The following PRKN variants were observed in gnomAD, a reference collection of about 807,000 sequenced individuals.
The protein encoded by PRKN is E3 ubiquitin-protein ligase parkin.
In PRKN, 56 loss-of-function variants were observed where a neutral mutation model predicts 59.5. The observed-to-expected ratio is 0.94, with a 90% CI of 0.76 to 1.18. PRKN has a LOEUF of 1.18. Among genes scored for constraint, PRKN ranks in the 50% most tolerant of loss-of-function variants. The pLI, the probability that PRKN is intolerant of heterozygous loss-of-function variation, is 0.00. For missense variants in PRKN, 657 were observed against 596.4 expected (o/e 1.10, Z -1.06); for synonymous variants, 250 against 222.1 (o/e 1.13, Z -1.12).
Position 162,714,241 on chromosome 6 carries a change from G to A in PRKN, c.7+13421C>T, listed in dbSNP as rs184928968. On this transcript the variant is annotated intron_variant, in intron 1 of 11. Coordinates refer to ENST00000366898, the MANE Select transcript of PRKN (RefSeq NM_004562.3). The stretch of plus-strand genomic sequence containing the variant: ...ACTACCCCTGATTTACAAGAAAAAC[G>A]TTCAAGTTTAAGCCAGTCTTTAACA... 7.9e-4 allele frequency among the ~76,000 whole-genome samples: 120 copies of A among 152,214 alleles called. No individual in the cohort carries two copies. The East Asian group carries it at 9.9e-3, about 13-fold the overall frequency.
intron 1 of PRKN, among the ~76,000 whole-genome samples, chr6:162,594,381 C>CAT (rs575258867): frequency 9.7e-4 from 148 of 152,214 alleles, no homozygotes; most frequent in African/African-American, 3.2e-3. Context: ...GATCTCAATT[C>CAT]ATGATATGAT....
chr6:161,750,118 T>TATATATATATATATATATAC (rs1269147499), intron 7 of PRKN, among the ~76,000 whole-genome samples: 37 of 137,812 alleles, frequency 2.7e-4, no homozygotes, highest in African/African-American at 9.4e-4. Flanking sequence ...TATATATATA[T>TATATATATATATATATATAC]ACACACACAC....
intron 2 of PRKN, among the ~76,000 whole-genome samples, chr6:162,367,056 C>G (rs530722011): frequency 1.3e-5 from 2 of 152,226 alleles, no homozygotes; most frequent in South Asian, 4.1e-4. Context: ...ACGGGAGGGA[C>G]CCGGTGGGAG....
At chr6:162,452,157 T>C (rs1410074836) in intron 1 of PRKN, among the ~76,000 whole-genome samples, 2 of 152,164 alleles carry the variant, frequency 1.3e-5, no homozygotes, top group East Asian at 1.9e-4. Context: ...AGTGAAAATA[T>C]CTTTTAAAAA....
chr6:162,261,898 T>C lies in PRKN; in HGVS notation c.412+627A>G, dbSNP rs6927275. Among the ~76,000 whole-genome samples the C allele has an allele frequency of 4.5e-3, 680 of 152,284 alleles. 5 individuals carry two copies. The highest frequency in any genetic ancestry group is 0.016 in the African/African-American group (658 of 41,560). ...GCTTCCATCTTGCAGGCCCCAGAACTTTCTGACACTGTGAAGGCCATACCA... is the reference window on the plus strand; with the variant it reads ...GCTTCCATCTTGCAGGCCCCAGAACCTTCTGACACTGTGAAGGCCATACCA... On this transcript the variant is annotated intron_variant, in intron 3 of 11. Coordinates refer to ENST00000366898, the MANE Select transcript of PRKN (RefSeq NM_004562.3).
chr6:161,741,171 C>T (rs2128191142), intron 7 of PRKN, among the ~76,000 whole-genome samples: 1 of 152,294 alleles, frequency 6.6e-6, no homozygotes, highest in South Asian at 2.1e-4. Flanking sequence ...GCAACTCTGT[C>T]TATCTACTCT....
intron 7 of PRKN, among the ~76,000 whole-genome samples, chr6:161,675,533 A>C (rs1785055089): frequency 6.6e-6 from 1 of 152,220 alleles, no homozygotes; most frequent in African/African-American, 2.4e-5. Context: ...GTGATGCTGT[A>C]TTTTACTTCT....
Position 162,065,768 on chromosome 6 carries a change from T to C in PRKN, c.535-11594A>G, listed in dbSNP as rs559197410. On this transcript the variant is annotated intron_variant, in intron 4 of 11. Coordinates refer to ENST00000366898, the MANE Select transcript of PRKN (RefSeq NM_004562.3). ...CCAGTATGTGATGTTCCCTGCCCTG[T>C]GTCCAAGTCATCTCATTGTTCAATT... 5.3e-5 allele frequency among the ~76,000 whole-genome samples: 8 copies of C among 152,266 alleles called. No individual in the cohort carries two copies. The South Asian group carries it at 1.7e-3, about 32-fold the overall frequency.
chr6:161,711,406 A>C (rs1354839718), intron 7 of PRKN, among the ~76,000 whole-genome samples: 2 of 152,210 alleles, frequency 1.3e-5, no homozygotes, highest in African/African-American at 4.8e-5. Flanking sequence ...TATGTCTATG[A>C]CTGTGTGTAT....
intron 2 of PRKN, among the ~76,000 whole-genome samples, chr6:162,371,865 G>C (rs1182498577): frequency 6.6e-6 from 1 of 152,212 alleles, no homozygotes; most frequent in Non-Finnish European, 1.5e-5. Context: ...AAACATGGCA[G>C]CCCTGTGGGA....
chr6:161,873,988 GTAAAATATAATATA>G, intron 6 of PRKN, among the ~76,000 whole-genome samples: 1 of 42,314 alleles, frequency 2.4e-5, no homozygotes, highest in Non-Finnish European at 5.3e-5. Flanking sequence ...AAATATATAT[GTAAAATATAATATA>G]TAAAATATAT....
intron 2 of PRKN, among the ~76,000 whole-genome samples, chr6:162,441,745 T>C (rs1790064693): frequency 6.6e-6 from 1 of 152,208 alleles, no homozygotes; most frequent in Non-Finnish European, 1.5e-5. Flanking sequence ...AAGAAGTGTT[T>C]GTCAAAATAG....
Position 161,560,791 on chromosome 6 carries a change from G to T in PRKN, c.933+8564C>A, listed in dbSNP as rs558786244. Among the ~76,000 whole-genome samples the T allele has an allele frequency of 6.6e-6, 1 of 152,102 alleles. No homozygotes were observed. Among genetic ancestry groups the T allele is most frequent in the Admixed American group, 6.5e-5 (1 of 15,272 alleles). On this transcript the variant is annotated intron_variant, in intron 8 of 11. Coordinates refer to ENST00000366898, the MANE Select transcript of PRKN (RefSeq NM_004562.3). This position sits in a 1 kb window ranked among gnomAD's most constrained non-coding sequence, Gnocchi z 4.9. ...TTAAATTCTTCAACTTCATCAAGAC[G>T]TCTAATTAATTGGCCCCATATTTCC...
chr6:161,759,537 A>G (rs1199023426), intron 7 of PRKN, among the ~76,000 whole-genome samples: 1 of 152,204 alleles, frequency 6.6e-6, no homozygotes, highest in Non-Finnish European at 1.5e-5. Context: ...AATCATTCCA[A>G]TAAAGCTGAA....
intron 7 of PRKN, among the ~76,000 whole-genome samples, chr6:161,631,589 C>T (rs1783312376): frequency 6.6e-6 from 1 of 152,128 alleles, no homozygotes; most frequent in African/African-American, 2.4e-5. Flanking sequence ...AAAAATGTAT[C>T]CATCATAATA....
rs973480139 is a variant in PRKN at position 161,445,150 on chromosome 6, G to C, written c.1084-58273C>G. ...TGACGTGCTCAGCCTCTCCAAAGCC[G>C]CGGCGCTGACACAGCTCCCCCTGCA... is the stretch of plus-strand genomic sequence containing the variant. On this transcript the variant is annotated intron_variant, in intron 9 of 11. Transcript: ENST00000366898. This position sits in a 1 kb window ranked among gnomAD's most constrained non-coding sequence, Gnocchi z 7.7. Among the ~76,000 whole-genome samples, 26 of 152,102 alleles carry C rather than the reference G, an allele frequency of 1.7e-4. No homozygotes were observed. The highest frequency in any genetic ancestry group is 3.4e-4 in the Non-Finnish European group (23 of 68,032).
intron 3 of PRKN, among the ~76,000 whole-genome samples, chr6:162,225,946 TA>T (rs528702829): frequency 2.7e-4 from 40 of 148,182 alleles, no homozygotes; most frequent in African/African-American, 9.5e-4. Context: ...TTTATTATTT[TA>T]TTTCCTAAAC....
chr6:162,006,007 A>T (rs188714167), intron 5 of PRKN, among the ~76,000 whole-genome samples: 11 of 152,312 alleles, frequency 7.2e-5, no homozygotes, highest in Admixed American at 4.6e-4. Context: ...AATTTAAAAA[A>T]GCATACTAAA....
At chr6:162,467,965 T>G (rs1195192712) in intron 1 of PRKN, among the ~76,000 whole-genome samples, 3 of 151,986 alleles carry the variant, frequency 2.0e-5, no homozygotes, top group African/African-American at 7.3e-5. Context: ...CTCTAGAGAG[T>G]ATCTCAAATG....
Sources: allele counts gnomAD v4.1 joint callset (sites outside exome capture counted in the v4.1 genomes callset), GRCh38; gene constraint gnomAD v4.1.1; non-coding constraint Gnocchi (gnomAD v3.1); transcripts MANE v1.5; gene names NCBI Gene and HGNC (gene_info 2026-07-23, HGNC 2026-07-21).